Variants in PTPN4 observed in about 807,000 individuals in gnomAD.
The protein encoded by PTPN4 is tyrosine-protein phosphatase non-receptor type 4.
In PTPN4, 49 loss-of-function variants were observed where a neutral mutation model predicts 135.5. The observed-to-expected ratio is 0.36, with a 90% CI of 0.29 to 0.46. PTPN4 has a LOEUF of 0.46. PTPN4 is among the 20% of genes least tolerant of loss of function. The pLI, the probability that PTPN4 is intolerant of heterozygous loss-of-function variation, is 1.00. For synonymous variants in PTPN4, 333 were observed against 369.9 expected (o/e 0.90, Z 1.14); for missense variants, 860 against 1,101.0 (o/e 0.78, Z 3.10).
At chr2:119,815,882 A>G (rs1373459345) in intron 2 of PTPN4, among the ~76,000 whole-genome samples, 4 of 152,220 alleles carry the variant, frequency 2.6e-5, no homozygotes, top group African/African-American at 9.6e-5. Flanking sequence ...ACAGTGCAGT[A>G]CACAGATCTT....
At chr2:119,838,375 G>A (rs141648108) in intron 2 of PTPN4, among the ~76,000 whole-genome samples, 2 of 152,278 alleles carry the variant, frequency 1.3e-5, no homozygotes, top group East Asian at 3.9e-4. Context: ...GTTTCTGGCT[G>A]CCGAAGTGAC....
chr2:119,864,199 A>G (rs536710734), intron 3 of PTPN4, among the ~76,000 whole-genome samples: 2 of 152,290 alleles, frequency 1.3e-5, no homozygotes, highest in African/African-American at 4.8e-5. Flanking sequence ...GTTGAACTAT[A>G]GGGTGTATAA....
chr2:119,896,234 C>T (rs1392618368), intron 9 of PTPN4, among the ~76,000 whole-genome samples: 2 of 151,972 alleles, frequency 1.3e-5, no homozygotes, highest in African/African-American at 4.8e-5. Context: ...TTTTTATTAC[C>T]CAAATGTGCC....
chr2:119,861,006 A>G (rs145879809), intron 2 of PTPN4, among the ~76,000 whole-genome samples: 1,755 of 150,732 alleles, frequency 0.012, 19 homozygotes, highest in Middle Eastern at 0.028. Flanking sequence ...AGATTGTGCC[A>G]TTGCACTCTA....
At chr2:119,954,059 A>G (rs1351972296) in intron 19 of PTPN4, among the ~76,000 whole-genome samples, 1 of 152,264 alleles carries the variant, frequency 6.6e-6, no homozygotes, top group Non-Finnish European at 1.5e-5. Flanking sequence ...ATTAAAATTT[A>G]AAACTGTGTT....
At chr2:119,918,233 T>G (rs919115274) in intron 11 of PTPN4, among the ~76,000 whole-genome samples, 18 of 152,246 alleles carry the variant, frequency 1.2e-4, no homozygotes, top group Non-Finnish European at 2.5e-4. Context: ...CATGGGCATT[T>G]ATTTGTGTAT....
In PTPN4 at chr2:119,896,796, A is replaced by G. The variant is rs568420602; in HGVS notation, c.676-3922A>G. 5.9e-5 allele frequency among the ~76,000 whole-genome samples: 9 copies of G among 152,320 alleles called. No individual in the cohort carries two copies. The East Asian group carries it at 1.7e-3, about 29-fold the overall frequency. Reference sequence around the variant, plus strand: ...TTTCCTTTTATTTACCTGGTTTTCAAGGTAATGAATATGAAGTGGTGGATT... The same window carrying G: ...TTTCCTTTTATTTACCTGGTTTTCAGGGTAATGAATATGAAGTGGTGGATT... On this transcript the variant is annotated intron_variant, in intron 9 of 26. Coordinates refer to ENST00000263708, the MANE Select transcript of PTPN4 (RefSeq NM_002830.4).
chr2:119,760,530 A>AAAAC lies in PTPN4; in HGVS notation c.-18+166_-18+169dup, dbSNP rs146701090. On this transcript the variant is annotated intron_variant, in intron 1 of 26. Transcript: ENST00000263708. ...ATTTGAAAGGAAGGAAAAAAGGACA[A>AAAAC]AAACAAACAAACAAACAAACAAAAA... The AAAAC allele has an allele frequency of 8.9e-4, 336 of 377,890 alleles. 2 individuals carry two copies. Among genetic ancestry groups the AAAAC allele is most frequent in the African/African-American group, 5.5e-3 (263 of 47,866 alleles). The allele number at this position is 377,890 out of a possible 1,614,324, so 23.4% of individuals were successfully genotyped here.
At chr2:119,931,433 CTTTTTTTTTT>C (rs1158907026) in intron 13 of PTPN4, among the ~76,000 whole-genome samples, 1 of 83,366 alleles carries the variant, frequency 1.2e-5, no homozygotes, top group Non-Finnish European at 2.4e-5. Flanking sequence ...TTCTTTCTTT[CTTTTTTTTTT>C]TTTTTTTTTT....
intron 15 of PTPN4, among the ~76,000 whole-genome samples, chr2:119,937,755 T>G (rs889011609): frequency 3.9e-5 from 6 of 152,114 alleles, no homozygotes; most frequent in Admixed American, 2.0e-4. Context: ...TTATTTACCC[T>G]CCACTTAACA....
At chr2:119,864,558 C>G (rs1049255550) in intron 3 of PTPN4, among the ~76,000 whole-genome samples, 10 of 151,934 alleles carry the variant, frequency 6.6e-5, no homozygotes, top group African/African-American at 1.5e-4. Flanking sequence ...GACAAGATGA[C>G]AAAAGAGGAA....
chr2:119,883,067 T>A (rs1000356928), intron 8 of PTPN4, among the ~76,000 whole-genome samples: 1 of 152,126 alleles, frequency 6.6e-6, no homozygotes, highest in Non-Finnish European at 1.5e-5. Context: ...AGGTTGAACA[T>A]CCTTAACCCA....
chr2:119,821,559 G>C (rs1677068864), intron 2 of PTPN4, among the ~76,000 whole-genome samples: 1 of 152,006 alleles, frequency 6.6e-6, no homozygotes, highest in Non-Finnish European at 1.5e-5. Flanking sequence ...TGTAGTTTTG[G>C]CTTTCTTTTG....
In PTPN4 at chr2:119,827,288, GTTTAACC is replaced by G. The variant is rs532538727; in HGVS notation, c.138+17303_138+17309del. Among the ~76,000 whole-genome samples the G allele has an allele frequency of 2.0e-5, 3 of 152,304 alleles. No homozygotes were observed. In the East Asian group the frequency reaches 5.8e-4, roughly 29 times the overall value. The stretch of plus-strand genomic sequence containing the variant: ...CCCTGTTGGGGGGAAATCTATTTGA[GTTTAACC>G]TTTAAAGGAAGGCAAAGAGGGAAAG... On this transcript the variant is annotated intron_variant, in intron 2 of 26. Coordinates refer to ENST00000263708, the MANE Select transcript of PTPN4 (RefSeq NM_002830.4).
intron 15 of PTPN4, among the ~76,000 whole-genome samples, chr2:119,936,385 T>C (rs1027115107): frequency 2.0e-5 from 3 of 152,224 alleles, no homozygotes; most frequent in Non-Finnish European, 2.9e-5. Context: ...AGATCTCACC[T>C]TGAATTGTAA....
At chr2:119,847,299 CACACACACACACACACAT>C (rs1677516270) in intron 2 of PTPN4, among the ~76,000 whole-genome samples, 1 of 99,526 alleles carries the variant, frequency 1.0e-5, no homozygotes, top group Non-Finnish European at 2.0e-5. Context: ...CACACACACA[CACACACACACACACACAT>C]ATATATATAT....
intron 9 of PTPN4, among the ~76,000 whole-genome samples, chr2:119,898,098 C>T (rs921206558): frequency 2.0e-5 from 3 of 152,300 alleles, no homozygotes; most frequent in Middle Eastern, 3.4e-3. Context: ...AACAACAAAA[C>T]ATAACTGGTC....
chr2:119,809,752 G>GAA, intron 1 of PTPN4, 85 bp from the exon 2 acceptor site: 1 of 1,185,212 alleles, frequency 8.4e-7, no homozygotes, highest in Non-Finnish European at 1.1e-6. Flanking sequence ...TTTTAATTGA[G>GAA]AAATATATAA....
chr2:119,858,973 T>G (rs1184067987), intron 2 of PTPN4, among the ~76,000 whole-genome samples: 2 of 152,094 alleles, frequency 1.3e-5, no homozygotes, highest in Admixed American at 1.3e-4. Flanking sequence ...TCTATTGCTT[T>G]TTCTTCAGGT....
Sources: allele counts gnomAD v4.1 joint callset (sites outside exome capture counted in the v4.1 genomes callset), GRCh38; gene constraint gnomAD v4.1.1; transcripts MANE v1.5; gene names NCBI Gene and HGNC (gene_info 2026-07-23, HGNC 2026-07-21).